Variants in FHIT observed in about 807,000 individuals in gnomAD.
The protein encoded by FHIT is bis(5'-adenosyl)-triphosphatase.
FHIT carries 19 observed loss-of-function variants against 17.9 expected under a neutral mutation model. The observed-to-expected ratio is 1.06, with a 90% CI of 0.74 to 1.56. The LOEUF is 1.56. Ranked by LOEUF, FHIT falls within the 40% of genes most tolerant of loss-of-function variation. The pLI is 0.00. For missense variants in FHIT, 248 were observed against 189.2 expected (o/e 1.31, Z -1.82); for synonymous variants, 81 against 69.7 (o/e 1.16, Z -0.81).
intron 5 of FHIT, among the ~76,000 whole-genome samples, chr3:60,186,162 T>C (rs937692685): frequency 6.6e-6 from 1 of 152,298 alleles, no homozygotes; most frequent in South Asian, 2.1e-4. Flanking sequence ...TAACTTACGA[T>C]TTTTTTCATG....
intron 8 of FHIT, among the ~76,000 whole-genome samples, chr3:59,809,551 A>G (rs955023908): frequency 6.6e-6 from 1 of 152,134 alleles, no homozygotes; most frequent in Non-Finnish European, 1.5e-5. Flanking sequence ...TCTTTTATAC[A>G]ATTGTACAAC....
intron 8 of FHIT, among the ~76,000 whole-genome samples, chr3:59,901,614 A>G (rs956599095): frequency 6.6e-6 from 1 of 152,200 alleles, no homozygotes; most frequent in Non-Finnish European, 1.5e-5. Context: ...TGACTATAAT[A>G]AAAAGTTACA....
intron 7 of FHIT, among the ~76,000 whole-genome samples, chr3:60,009,514 T>G (rs1459881398): frequency 2.6e-5 from 4 of 152,052 alleles, no homozygotes; most frequent in Non-Finnish European, 5.9e-5. Flanking sequence ...ATTACACATT[T>G]TGGCCAGATA....
intron 4 of FHIT, among the ~76,000 whole-genome samples, chr3:60,671,355 A>G (rs1371783818): frequency 2.0e-5 from 3 of 152,154 alleles, no homozygotes; most frequent in Non-Finnish European, 2.9e-5. Flanking sequence ...CAAAATACAC[A>G]CATACACACA....
chr3:60,121,717 C>A (rs536040069), intron 5 of FHIT, among the ~76,000 whole-genome samples: 28,411 of 114,968 alleles, frequency 0.25, 3,110 homozygotes, highest in African/African-American at 0.35. Flanking sequence ...CAAACACACA[C>A]ACACACACAC....
intron 3 of FHIT, among the ~76,000 whole-genome samples, chr3:60,898,970 T>C (rs1285511639): frequency 1.3e-5 from 2 of 152,234 alleles, no homozygotes; most frequent in Non-Finnish European, 2.9e-5. Context: ...CTTCAGGTTC[T>C]AGTCTAATGG....
chr3:59,979,499 G>C (rs1055048601), intron 7 of FHIT, among the ~76,000 whole-genome samples: 1 of 152,118 alleles, frequency 6.6e-6, no homozygotes, highest in Admixed American at 6.6e-5. Context: ...CAAAACACCA[G>C]CTATGAGAAT....
At chr3:60,111,707 C>T (rs967186932) in intron 5 of FHIT, among the ~76,000 whole-genome samples, 1 of 152,190 alleles carries the variant, frequency 6.6e-6, no homozygotes, top group African/African-American at 2.4e-5. Context: ...TGTCAAACTA[C>T]CCACTGAAGA....
chr3:60,603,922 T>G (rs2038525164), intron 4 of FHIT, among the ~76,000 whole-genome samples: 1 of 152,174 alleles, frequency 6.6e-6, no homozygotes, highest in African/African-American at 2.4e-5. Context: ...CCACCATACT[T>G]TATAGGTATT....
At chr3:61,107,219 T>A (rs1336792777) in intron 2 of FHIT, among the ~76,000 whole-genome samples, 2 of 152,210 alleles carry the variant, frequency 1.3e-5, no homozygotes, top group Non-Finnish European at 2.9e-5. Context: ...AGTGAGATCA[T>A]GCAGTATTTG....
At chr3:60,799,322 G>A (rs1340667022) in intron 4 of FHIT, among the ~76,000 whole-genome samples, 1 of 152,172 alleles carries the variant, frequency 6.6e-6, no homozygotes, top group Non-Finnish European at 1.5e-5. Flanking sequence ...TCACGGGCAT[G>A]TGCCACCATG....
At chr3:60,471,144 G>A (rs1308610028) in intron 5 of FHIT, among the ~76,000 whole-genome samples, 1 of 152,164 alleles carries the variant, frequency 6.6e-6, no homozygotes, top group East Asian at 1.9e-4. Flanking sequence ...ACAAAGGGAA[G>A]AAGGAGCTGC....
chr3:60,857,998 G>T (rs1415212204), intron 3 of FHIT, among the ~76,000 whole-genome samples: 2 of 152,106 alleles, frequency 1.3e-5, no homozygotes, highest in Admixed American at 6.6e-5. Context: ...ATTACTATGG[G>T]TGTTATTGTT....
At chr3:60,648,239 CCTGGA>C (rs1168050345) in intron 4 of FHIT, among the ~76,000 whole-genome samples, 2 of 152,144 alleles carry the variant, frequency 1.3e-5, no homozygotes, top group Non-Finnish European at 2.9e-5. Flanking sequence ...TCATACGTCA[CCTGGA>C]CTGAACTGCG....
chr3:59,937,994 T>A (rs1706325434), intron 7 of FHIT, among the ~76,000 whole-genome samples: 1 of 152,140 alleles, frequency 6.6e-6, no homozygotes, highest in South Asian at 2.1e-4. Context: ...AATCTCAACC[T>A]ACAGGGCTGC....
At chr3:60,876,735 T>C (rs1343355967) in intron 3 of FHIT, among the ~76,000 whole-genome samples, 1 of 152,218 alleles carries the variant, frequency 6.6e-6, no homozygotes, top group Non-Finnish European at 1.5e-5. Flanking sequence ...ATCAGCAAGA[T>C]GGCTCACTAG....
At chr3:60,808,417 G>A (rs1701469907) in intron 4 of FHIT, among the ~76,000 whole-genome samples, 2 of 152,060 alleles carry the variant, frequency 1.3e-5, no homozygotes, top group South Asian at 2.1e-4. Flanking sequence ...GTGTAGTCTG[G>A]AAATACCTAC....
intron 4 of FHIT, chr3:60,537,505 A>T (rs2036027464): frequency 1.0e-6 from 1 of 972,784 alleles, no homozygotes. Flanking sequence ...GAACTATTCT[A>T]GTAAAATCTC....
intron 5 of FHIT, among the ~76,000 whole-genome samples, chr3:60,085,997 A>C (rs1325672283): frequency 6.6e-6 from 1 of 152,156 alleles, no homozygotes. Context: ...AAAGAGGTTT[A>C]TTTGGCTCAT....
Sources: gnomAD v4.1 joint callset for allele counts (sites outside exome capture counted in the v4.1 genomes callset) on GRCh38, gnomAD v4.1.1 for gene constraint, MANE v1.5 for transcripts, NCBI Gene and HGNC (gene_info 2026-07-23, HGNC 2026-07-21) for gene names.